RBPJ: variants seen among roughly 807,000 people sequenced by gnomAD.
The protein encoded by RBPJ is recombination signal binding protein for immunoglobulin kappa J region.
In RBPJ, 9 loss-of-function variants were observed where a neutral mutation model predicts 67.8. That is an observed-to-expected ratio of 0.13 (90% CI 0.08 to 0.23). RBPJ has a LOEUF of 0.23. Among genes scored for constraint, RBPJ ranks in the 10% least tolerant of loss-of-function variants. The pLI, the probability that RBPJ is intolerant of heterozygous loss-of-function variation, is 1.00. For synonymous variants in RBPJ, 198 were observed against 203.3 expected, an observed-to-expected ratio of 0.97 and a Z score of 0.22; for missense variants, 305 against 595.6, an observed-to-expected ratio of 0.51 and a Z score of 5.08.
chr4:26,361,511 A>G (rs1006418066), intron 1 of RBPJ, among the ~76,000 whole-genome samples: 5 of 152,002 alleles, frequency 3.3e-5, no homozygotes, highest in African/African-American at 1.2e-4. Context: ...AAGCTGTTCC[A>G]CATGCCTAGA....
At chr4:26,255,801 C>CAAA (rs34958199) in intron 1 of RBPJ, among the ~76,000 whole-genome samples, 2 of 75,272 alleles carry the variant, frequency 2.7e-5, no homozygotes, top group African/African-American at 4.0e-5. Flanking sequence ...GACTCCGTCT[C>CAAA]AAAAAAAAAA....
chr4:26,255,598 C>A (rs6828878), intron 1 of RBPJ, among the ~76,000 whole-genome samples: 1 of 148,706 alleles, frequency 6.7e-6, no homozygotes, highest in Non-Finnish European at 1.5e-5. Context: ...GTCGGGAGAT[C>A]GAGACCATCC....
chr4:26,375,519 A>G (rs1407055248), intron 1 of RBPJ, among the ~76,000 whole-genome samples: 1 of 152,222 alleles, frequency 6.6e-6, no homozygotes, highest in Non-Finnish European at 1.5e-5. Flanking sequence ...ACCAGAATCT[A>G]GGAGAACAGT....
chr4:26,337,861 GT>G (rs1725035132), intron 1 of RBPJ, among the ~76,000 whole-genome samples: 1 of 151,266 alleles, frequency 6.6e-6, no homozygotes, highest in Non-Finnish European at 1.5e-5. Context: ...TAATTTTTAA[GT>G]TTTTGATAGA....
chr4:26,193,092 G>GA (rs931864222), intron 1 of RBPJ, among the ~76,000 whole-genome samples: 7 of 152,022 alleles, frequency 4.6e-5, no homozygotes, highest in South Asian at 2.1e-4. Flanking sequence ...GGGACATTCA[G>GA]AAAAAAAAGT....
At chr4:26,301,397 C>G (rs1722071125) in intron 1 of RBPJ, among the ~76,000 whole-genome samples, 1 of 152,000 alleles carries the variant, frequency 6.6e-6, no homozygotes, top group African/African-American at 2.4e-5. Context: ...TCGAGACCAT[C>G]TTGGCTCACA....
the RBPJ span, among the ~76,000 whole-genome samples, chr4:26,141,889 A>G: frequency 0.022 from 3,290 of 152,276 alleles, 49 homozygotes; most frequent in Middle Eastern, 0.048. Flanking sequence ...CCCTTCCCCC[A>G]AAAGAAGCAA....
intron 1 of RBPJ, among the ~76,000 whole-genome samples, chr4:26,189,293 G>A: frequency 6.6e-6 from 1 of 152,064 alleles, no homozygotes; most frequent in East Asian, 1.9e-4. Context: ...TTATTTAATG[G>A]AAAACAAACT....
chr4:26,360,130 T>C (rs1218025926), intron 1 of RBPJ, among the ~76,000 whole-genome samples: 1 of 152,208 alleles, frequency 6.6e-6, no homozygotes, highest in East Asian at 1.9e-4. Flanking sequence ...AATGTGAATT[T>C]TGATGTAAAT....
intron 1 of RBPJ, among the ~76,000 whole-genome samples, chr4:26,359,532 T>G (rs1727799191): frequency 1.3e-5 from 2 of 151,728 alleles, no homozygotes; most frequent in African/African-American, 4.8e-5. Context: ...CTTGGCAAAC[T>G]GCAGGCCCCT....
At chr4:26,178,607 CAAAA>C (rs1173498137) in intron 1 of RBPJ, among the ~76,000 whole-genome samples, 3 of 58,732 alleles carry the variant, frequency 5.1e-5, no homozygotes, top group African/African-American at 1.6e-4. Context: ...GACCCCGTAT[CAAAA>C]AAAAAAAAAA....
chr4:26,266,678 G>A (rs1182900524), intron 1 of RBPJ, among the ~76,000 whole-genome samples: 1 of 152,132 alleles, frequency 6.6e-6, no homozygotes, highest in Admixed American at 6.6e-5. Context: ...GGGTGAGGGT[G>A]AGTGATCTTC....
intron 1 of RBPJ, among the ~76,000 whole-genome samples, chr4:26,195,019 C>A (rs964860712): frequency 1.3e-5 from 2 of 152,180 alleles, no homozygotes; most frequent in African/African-American, 2.4e-5. Context: ...CACCTCAAAT[C>A]TCTTGGGAAA....
intron 2 of RBPJ, among the ~76,000 whole-genome samples, chr4:26,398,891 CG>C (rs915771729): frequency 6.6e-6 from 1 of 152,144 alleles, no homozygotes; most frequent in African/African-American, 2.4e-5. Flanking sequence ...GGATTACAGG[CG>C]GGAGCCACCT....
At chr4:26,301,790 T>C (rs1722087190) in intron 1 of RBPJ, among the ~76,000 whole-genome samples, 1 of 151,706 alleles carries the variant, frequency 6.6e-6, no homozygotes, top group South Asian at 2.1e-4. Context: ...CTAAGGATAA[T>C]TTATATTTAT....
intron 1 of RBPJ, among the ~76,000 whole-genome samples, chr4:26,254,762 C>T (rs57703399): frequency 6.9e-6 from 1 of 144,036 alleles, no homozygotes; most frequent in South Asian, 2.1e-4. Context: ...ACTGCAGCCT[C>T]TGCCTCCTGA....
At chr4:26,352,186 G>T (rs1426679853) in intron 1 of RBPJ, among the ~76,000 whole-genome samples, 2 of 152,182 alleles carry the variant, frequency 1.3e-5, no homozygotes, top group Non-Finnish European at 2.9e-5. Context: ...CCGTAAACTA[G>T]GTAGCTTATG....
chr4:26,199,775 T>C (rs1460450209), intron 1 of RBPJ, among the ~76,000 whole-genome samples: 2 of 152,200 alleles, frequency 1.3e-5, no homozygotes, highest in African/African-American at 2.4e-5. Context: ...GTGATGTTGG[T>C]TGCACAAACT....
intron 2 of RBPJ, among the ~76,000 whole-genome samples, chr4:26,396,747 T>TA (rs1175351032): frequency 6.6e-6 from 1 of 152,238 alleles, no homozygotes; most frequent in African/African-American, 2.4e-5. Context: ...GCAATTTACT[T>TA]ACTTATCTAC....
Sources: allele counts gnomAD v4.1 joint callset (sites outside exome capture counted in the v4.1 genomes callset), GRCh38; gene constraint gnomAD v4.1.1; transcripts MANE v1.5; gene names NCBI Gene and HGNC (gene_info 2026-07-23, HGNC 2026-07-21).